Variants in SNTB1 observed in about 807,000 individuals in gnomAD.
The protein encoded by SNTB1 is beta-1-syntrophin.
SNTB1 carries 36 observed loss-of-function variants against 48.9 expected under a neutral mutation model. The observed-to-expected ratio is 0.74, with a 90% confidence interval of 0.56 to 0.97. SNTB1 has a LOEUF of 0.97. Ranked by LOEUF, SNTB1 falls within the 50% of genes least tolerant of loss-of-function variation. The probability of loss-of-function intolerance (pLI) is 0.00; values close to 1 mark genes in which losing one functional copy is unlikely to be tolerated. For missense variants in SNTB1, 786 were observed against 703.4 expected (o/e 1.12, Z -1.33); for synonymous variants, 299 against 294.6 (o/e 1.01, Z -0.15).
chr8:120,699,203 A>G (rs1353794160), intron 1 of SNTB1, among the ~76,000 whole-genome samples: 1 of 152,172 alleles, frequency 6.6e-6, no homozygotes, highest in African/African-American at 2.4e-5. Context: ...AAAACACACC[A>G]TCCTTCTTGC....
chr8:120,668,383 G>A (rs546451992), intron 2 of SNTB1, among the ~76,000 whole-genome samples: 5 of 152,246 alleles, frequency 3.3e-5, no homozygotes, highest in South Asian at 2.1e-4. Flanking sequence ...TATAGTTCCC[G>A]TTACTCCATC....
chr8:120,725,724 T>G (rs1194702774), intron 1 of SNTB1, among the ~76,000 whole-genome samples: 1 of 152,188 alleles, frequency 6.6e-6, no homozygotes, highest in Non-Finnish European at 1.5e-5. Context: ...GTGGAAGTGT[T>G]CCACCATACA....
At chr8:120,599,151 C>T (rs1347939391) in intron 3 of SNTB1, among the ~76,000 whole-genome samples, 2 of 152,100 alleles carry the variant, frequency 1.3e-5, no homozygotes, top group African/African-American at 2.4e-5. Context: ...CTATATAAGG[C>T]GGCCAGGAAA....
chr8:120,767,881 C>T (rs548750986), intron 1 of SNTB1, among the ~76,000 whole-genome samples: 1 of 152,316 alleles, frequency 6.6e-6, no homozygotes, highest in Admixed American at 6.5e-5. Context: ...AACCCTCTCT[C>T]ATTCTTGATA....
chr8:120,785,475 C>T (rs924321224), intron 1 of SNTB1, among the ~76,000 whole-genome samples: 1 of 152,214 alleles, frequency 6.6e-6, no homozygotes, highest in African/African-American at 2.4e-5. Context: ...TCCCCGATCC[C>T]CACGCAGATC....
At chr8:120,699,566 A>T (rs1383442403) in intron 1 of SNTB1, among the ~76,000 whole-genome samples, 3 of 152,166 alleles carry the variant, frequency 2.0e-5, no homozygotes, top group African/African-American at 7.2e-5. Context: ...AGCCAAGCAG[A>T]TGGTGGCGCC....
At chr8:120,694,534 T>C (rs1818180504) in intron 1 of SNTB1, among the ~76,000 whole-genome samples, 2 of 151,472 alleles carry the variant, frequency 1.3e-5, no homozygotes, top group South Asian at 2.1e-4. Flanking sequence ...TAAAAAATGA[T>C]ATATATATCA....
chr8:120,748,861 C>T (rs1324852466), intron 1 of SNTB1, among the ~76,000 whole-genome samples: 4 of 152,188 alleles, frequency 2.6e-5, no homozygotes, highest in African/African-American at 7.2e-5. Flanking sequence ...TGCAACTTCA[C>T]AGCTGTGGGA....
intron 1 of SNTB1, among the ~76,000 whole-genome samples, chr8:120,770,198 T>C (rs1587147861): frequency 6.6e-6 from 1 of 152,334 alleles, no homozygotes; most frequent in Non-Finnish European, 1.5e-5. Context: ...CTCCTATTTG[T>C]TGATCCTACA....
intron 3 of SNTB1, among the ~76,000 whole-genome samples, chr8:120,592,278 G>T (rs1257913461): frequency 6.6e-6 from 1 of 151,998 alleles, no homozygotes; most frequent in Non-Finnish European, 1.5e-5. Context: ...AACTCTTGGG[G>T]TCAAGGGATC....
chr8:120,621,825 C>G (rs548708374), intron 3 of SNTB1, among the ~76,000 whole-genome samples: 1 of 152,218 alleles, frequency 6.6e-6, no homozygotes, highest in South Asian at 2.1e-4. Context: ...TTCCAGAGAT[C>G]TCCTCCACGT....
chr8:120,632,586 G>T lies in SNTB1; in HGVS notation c.854C>A (p.Thr285Lys). Residue 285 changes from threonine to lysine, a missense_variant, in exon 3 of 7, where the codon ACG becomes AAG. Coordinates refer to ENST00000517992, the MANE Select transcript of SNTB1 (RefSeq NM_021021.4). ...GATGGCACTGAACCATGCCTGGGCCGTGGCTGAGTCCTTGCTCCTTAGGAT... is the reference window on the plus strand; with the variant it reads ...GATGGCACTGAACCATGCCTGGGCCTTGGCTGAGTCCTTGCTCCTTAGGAT... ...TVILRSKDSA[T>K]AQAWFSAIHS... The T allele has an allele frequency of 6.2e-7, 1 of 1,614,158 alleles. No individual in the cohort carries two copies. The highest frequency in any genetic ancestry group is 8.5e-7 in the Non-Finnish European group (1 of 1,180,040).
chr8:120,562,870 C>T (rs976851087), intron 4 of SNTB1, among the ~76,000 whole-genome samples: 3 of 149,424 alleles, frequency 2.0e-5, no homozygotes, highest in Non-Finnish European at 2.9e-5. Context: ...CCCTTGCTAC[C>T]GCTCAAAAAA....
intron 1 of SNTB1, among the ~76,000 whole-genome samples, chr8:120,718,038 GCTGT>G (rs2129938844): frequency 6.6e-6 from 1 of 152,314 alleles, no homozygotes; most frequent in East Asian, 1.9e-4. Flanking sequence ...TATTTTGCTG[GCTGT>G]CTTTCTTCCC....
chr8:120,595,099 A>G (rs1386732587), intron 3 of SNTB1, among the ~76,000 whole-genome samples: 1 of 152,132 alleles, frequency 6.6e-6, no homozygotes, highest in East Asian at 1.9e-4. Flanking sequence ...TTGACTGCAC[A>G]GGTTCCTGGG....
rs551354252 is a variant in SNTB1 at position 120,536,709 on chromosome 8, T to C, written c.*2168A>G. The stretch of plus-strand genomic sequence containing the variant: ...AATAATTAAATTAAATGTTTATAAA[T>C]GTAGAGAATGTAGTTTCCATTGACC... On this transcript the variant is annotated 3_prime_UTR_variant, in exon 7 of 7. Transcript: ENST00000517992. 1 of 152,194 alleles carries C rather than the reference T, an allele frequency of 6.6e-6. No homozygotes were observed. The highest frequency in any genetic ancestry group is 2.1e-4 in the South Asian group (1 of 4,824). 9.4% of individuals were successfully genotyped at this position (152,194 alleles called of 1,614,324 possible). A position where few individuals can be genotyped will look rare whatever the true frequency, so the allele number is the denominator to read the frequency against.
intron 3 of SNTB1, among the ~76,000 whole-genome samples, chr8:120,624,311 C>T (rs527969218): frequency 2.6e-5 from 4 of 152,218 alleles, no homozygotes; most frequent in Admixed American, 2.0e-4. Context: ...GGATGAGGGG[C>T]CTGCACCTGG....
chr8:120,607,931 C>T (rs573469759), intron 3 of SNTB1, among the ~76,000 whole-genome samples: 1 of 152,350 alleles, frequency 6.6e-6, no homozygotes, highest in African/African-American at 2.4e-5. Flanking sequence ...TTATTGCCAA[C>T]AGCTGTCATT....
intron 3 of SNTB1, among the ~76,000 whole-genome samples, chr8:120,581,454 A>C (rs185856692): frequency 6.6e-6 from 1 of 151,980 alleles, no homozygotes. Context: ...AAATACAAAA[A>C]TTAGCGGGGC....
Sources: allele counts gnomAD v4.1 joint callset (sites outside exome capture counted in the v4.1 genomes callset), GRCh38; gene constraint gnomAD v4.1.1; transcripts MANE v1.5; gene names NCBI Gene and HGNC (gene_info 2026-07-23, HGNC 2026-07-21).